The following LNPK variants were observed in gnomAD, a reference collection of about 807,000 sequenced individuals.
LNPK encodes the protein endoplasmic reticulum junction formation protein lunapark.
A neutral mutation model predicts 55.2 loss-of-function variants in LNPK; 29 were observed. That is an observed-to-expected ratio of 0.53 (90% CI 0.39 to 0.72). The LOEUF (loss-of-function observed/expected upper bound fraction) is 0.72. Ranked by LOEUF, LNPK falls within the 30% of genes least tolerant of loss-of-function variation. The pLI is 0.00. For synonymous variants in LNPK, 162 were observed against 168.2 expected (o/e 0.96, Z 0.29); for missense variants, 467 against 494.8 (o/e 0.94, Z 0.53).
chr2:175,963,760 C>T (rs983955318), intron 8 of LNPK, among the ~76,000 whole-genome samples: 7 of 150,738 alleles, frequency 4.6e-5, no homozygotes, highest in African/African-American at 7.3e-5. Flanking sequence ...TCATTGCAAA[C>T]TCAGAATATC....
intron 11 of LNPK, chr2:175,937,936 A>AG (rs1327099516): frequency 5.6e-6 from 1 of 179,072 alleles, no homozygotes; most frequent in African/African-American, 2.4e-5. Context: ...AATTTACCAC[A>AG]GTAGTTTTTA....
At chr2:175,959,999 CAAG>C (rs1408797683) in intron 8 of LNPK, among the ~76,000 whole-genome samples, 2 of 152,092 alleles carry the variant, frequency 1.3e-5, no homozygotes, top group Admixed American at 6.6e-5. Context: ...GTCAATTCAA[CAAG>C]AAGAGCTAAC....
At chr2:175,966,133 C>T (rs188027801) in intron 6 of LNPK, among the ~76,000 whole-genome samples, 47 of 152,222 alleles carry the variant, frequency 3.1e-4, no homozygotes, top group Admixed American at 2.7e-3. Flanking sequence ...TGAGTGGTTT[C>T]GGCTCACTGC....
rs199707868 is a variant in LNPK, at chr2:175,988,940, A to AC, written c.257+3290_257+3291insG. Among the ~76,000 whole-genome samples the AC allele has an allele frequency of 8.5e-3, 1,286 of 151,770 alleles. 8 individuals carry two copies. Among genetic ancestry groups the AC allele is most frequent in the Non-Finnish European group, 0.015 (1,015 of 67,876 alleles). On this transcript the variant is annotated intron_variant, in intron 4 of 12. Coordinates refer to ENST00000272748, the MANE Select transcript of LNPK (RefSeq NM_030650.3). ...AGGAGCCCACCACCGTGCTGGGCTA[A>AC]TTTTTTTTGTATTTTTAGTAGAGAT... is the stretch of plus-strand genomic sequence containing the variant.
chr2:175,947,389 T>G (rs1685185563), intron 9 of LNPK, 91 bp downstream of exon 9: 1 of 1,016,712 alleles, frequency 9.8e-7, no homozygotes. Context: ...CCAAATGAAA[T>G]GCCATTTCCA....
chr2:175,997,741 A>AGTGTGTGTGTGTGTGTG (rs1332432453), intron 1 of LNPK, among the ~76,000 whole-genome samples: 1 of 34,788 alleles, frequency 2.9e-5, no homozygotes, highest in African/African-American at 9.2e-5. Context: ...GTGTGTATAA[A>AGTGTGTGTGTGTGTGTG]TATAATTTTT....
intron 5 of LNPK, among the ~76,000 whole-genome samples, chr2:175,974,921 A>G (rs577701293): frequency 4.6e-5 from 7 of 152,152 alleles, no homozygotes; most frequent in African/African-American, 1.7e-4. Context: ...CCACGTCCAG[A>G]TCTGCCTATT....
intron 1 of LNPK, among the ~76,000 whole-genome samples, chr2:176,000,188 C>T (rs1015778778): frequency 4.6e-5 from 7 of 152,184 alleles, no homozygotes; most frequent in African/African-American, 1.7e-4. Context: ...CTTAAATTTT[C>T]ACCTCACTCC....
rs548018919 is a variant in LNPK at position 175,929,724 on chromosome 2, A to G, written c.*243T>C. ...TAGAATGGACAAAAAAGTATCTAAAAGCTGTCTCAATAGTGTGGGTCTTTG... is the reference window on the plus strand; with the variant it reads ...TAGAATGGACAAAAAAGTATCTAAAGGCTGTCTCAATAGTGTGGGTCTTTG... On this transcript the variant is annotated 3_prime_UTR_variant, in exon 13 of 13. Coordinates refer to ENST00000272748, the MANE Select transcript of LNPK (RefSeq NM_030650.3). 8.4e-4 allele frequency: 1,115 copies of G among 1,323,712 alleles called. No homozygotes were observed. Among genetic ancestry groups the G allele is most frequent in the Non-Finnish European group, 1.0e-3 (1,053 of 1,040,164 alleles). 82.0% of individuals were successfully genotyped at this position (1,323,712 alleles called of 1,614,324 possible).
At chr2:175,968,553 C>T (rs1049653874) in intron 6 of LNPK, among the ~76,000 whole-genome samples, 2 of 152,062 alleles carry the variant, frequency 1.3e-5, no homozygotes, top group South Asian at 2.1e-4. Context: ...CCACAAAATA[C>T]GTGAATGGTA....
intron 1 of LNPK, among the ~76,000 whole-genome samples, chr2:175,998,399 C>G (rs1461248006): frequency 2.0e-5 from 3 of 148,160 alleles, no homozygotes; most frequent in African/African-American, 5.0e-5. Context: ...GCCAAGATCG[C>G]GCCACTGCAC....
chr2:175,925,281 G>C lies in LNPK; in HGVS notation c.*4686C>G, dbSNP rs1405995213. The C allele has an allele frequency of 1.3e-5, 2 of 152,104 alleles. No homozygotes were observed. The allele number at this position is 152,104 out of a possible 1,614,324, so 9.4% of individuals were successfully genotyped here. A position where few individuals can be genotyped will look rare whatever the true frequency, so the allele number is the denominator to read the frequency against. On this transcript the variant is annotated 3_prime_UTR_variant, in exon 13 of 13. Coordinates refer to ENST00000272748, the MANE Select transcript of LNPK (RefSeq NM_030650.3). ...AGCAACTTCAAGAATAAAAGGCCTA[G>C]CTTAACAAGAAGTAGCAAAATTTCC...
At chr2:175,956,118 A>G (rs1685682010) in intron 8 of LNPK, among the ~76,000 whole-genome samples, 1 of 151,876 alleles carries the variant, frequency 6.6e-6, no homozygotes, top group East Asian at 1.9e-4. Flanking sequence ...CATCTCTACA[A>G]AAAGTTAAAA....
In LNPK at chr2:175,970,267, CAG is replaced by C. The variant is rs529191144; in HGVS notation, c.357+495_357+496del. ...GCCCCACAATAGATATCCATGTGAT[CAG>C]AGTTACTGATAGAAAGTGGAAAACT... On this transcript the variant is annotated intron_variant, in intron 6 of 12. Coordinates refer to ENST00000272748, the MANE Select transcript of LNPK (RefSeq NM_030650.3). 4.8e-3 allele frequency among the ~76,000 whole-genome samples: 732 copies of C among 152,200 alleles called. 2 individuals carry two copies. The highest frequency in any genetic ancestry group is 7.1e-3 in the Non-Finnish European group (482 of 67,982).
In LNPK at chr2:175,937,457, G is replaced by A. The variant is rs1353294699; in HGVS notation, c.941C>T (p.Ala314Val). The change falls in exon 12 of 13, where the codon GCT (alanine) becomes GTT (valine). Residue 314 changes from alanine to valine, a missense_variant. Ala to Val is a moderately conservative substitution (Grantham distance 64, BLOSUM62 0). Coordinates refer to ENST00000272748, the MANE Select transcript of LNPK (RefSeq NM_030650.3). Reference protein sequence around the residue: ...LNPARKTRPQAPRLPEFSFEK... With the variant: ...LNPARKTRPQVPRLPEFSFEK... ...AAAACTAAACTCAGGAAGTCTTGGA[G>A]CCTGAGGTCTGGTTTTTCTTGCAGG... The A allele has an allele frequency of 4.3e-6, 7 of 1,613,290 alleles. No homozygotes were observed. The highest frequency in any genetic ancestry group is 5.9e-6 in the Non-Finnish European group (7 of 1,179,480).
chr2:176,001,447 T>C (rs552210476), intron 1 of LNPK, among the ~76,000 whole-genome samples: 3 of 152,286 alleles, frequency 2.0e-5, no homozygotes, highest in South Asian at 2.1e-4. Context: ...TTGACCAATT[T>C]CAACTCTTTC....
Position 175,926,192 on chromosome 2 carries a change from A to G in LNPK, c.*3775T>C, listed in dbSNP as rs2105496561. Reference sequence around the variant, plus strand: ...ACTTACCAGGTATACAATTTTAAGCAAAGTTGCTTCCTGCTATGGTTTGAA... The same window carrying G: ...ACTTACCAGGTATACAATTTTAAGCGAAGTTGCTTCCTGCTATGGTTTGAA... On this transcript the variant is annotated 3_prime_UTR_variant, in exon 13 of 13. Transcript: ENST00000272748. 1 of 152,338 alleles carries G rather than the reference A, an allele frequency of 6.6e-6. No individual in the cohort carries two copies. Among genetic ancestry groups the G allele is most frequent in the South Asian group, 2.1e-4 (1 of 4,830 alleles). 9.4% of individuals were successfully genotyped at this position (152,338 alleles called of 1,614,324 possible).
At chr2:175,984,742 G>A (rs528581965) in intron 4 of LNPK, among the ~76,000 whole-genome samples, 27 of 152,178 alleles carry the variant, frequency 1.8e-4, no homozygotes, top group African/African-American at 6.5e-4. Context: ...AGAGAAACTA[G>A]ATCACTCACA....
chr2:175,986,001 T>G (rs570479027), intron 4 of LNPK, among the ~76,000 whole-genome samples: 26 of 152,258 alleles, frequency 1.7e-4, no homozygotes, highest in African/African-American at 6.3e-4. Flanking sequence ...ATCTATAATT[T>G]TTTCAAAATT....
Sources: gnomAD v4.1 joint callset for allele counts (sites outside exome capture counted in the v4.1 genomes callset) on GRCh38, gnomAD v4.1.1 for gene constraint, MANE v1.5 for transcripts, NCBI Gene and HGNC (gene_info 2026-07-23, HGNC 2026-07-21) for gene names.